The following ACVR2A variants were observed in gnomAD, a reference collection of about 807,000 sequenced individuals.
The protein encoded by ACVR2A is activin A receptor type 2A, also known as activin receptor type-2A.
Under a neutral mutation model 61.4 loss-of-function variants are expected in ACVR2A, and 7 were observed. The observed-to-expected ratio is 0.11, with a 90% confidence interval of 0.06 to 0.21. The LOEUF (loss-of-function observed/expected upper bound fraction) is 0.21, where lower values mean the gene tolerates loss of function less well. Among genes scored for constraint, ACVR2A ranks in the 10% least tolerant of loss-of-function variants. The probability of loss-of-function intolerance (pLI) is 1.00; values close to 1 mark genes in which losing one functional copy is unlikely to be tolerated. For synonymous variants in ACVR2A, 193 were observed against 208.3 expected, an observed-to-expected ratio of 0.93 and a Z score of 0.63; for missense variants, 322 against 621.7, an observed-to-expected ratio of 0.52 and a Z score of 5.13.
intron 4 of ACVR2A, among the ~76,000 whole-genome samples, chr2:147,906,466 A>G (rs1686990569): frequency 6.6e-6 from 1 of 152,138 alleles, no homozygotes; most frequent in African/African-American, 2.4e-5. Flanking sequence ...TAAAGAGTGT[A>G]AGAAGTGAGT....
At chr2:147,901,553 A>C (rs991007381) in intron 4 of ACVR2A, among the ~76,000 whole-genome samples, 13 of 152,038 alleles carry the variant, frequency 8.6e-5, no homozygotes, top group Non-Finnish European at 1.3e-4. Context: ...ATTTTCTGTG[A>C]GTATCCGTAC....
Position 147,917,185 on chromosome 2 carries a change from T to G in ACVR2A, c.673-98T>G, listed in dbSNP as rs536625751. On this transcript the variant is annotated intron_variant, in intron 5 of 10. Coordinates refer to ENST00000241416, the MANE Select transcript of ACVR2A (RefSeq NM_001616.5). ...AATTTTTTAAGACTTTTTTGTTTTG[T>G]TTTGTTTTACTTTGGAACTTATTTG... 5.4e-6 allele frequency: 7 copies of G among 1,294,158 alleles called. No homozygotes were observed. In the Admixed American group the frequency reaches 2.4e-4, roughly 45 times the overall value. 80.2% of individuals were successfully genotyped at this position (1,294,158 alleles called of 1,614,324 possible).
At chr2:147,849,196 T>A (rs1685390640) in intron 1 of ACVR2A, among the ~76,000 whole-genome samples, 1 of 152,124 alleles carries the variant, frequency 6.6e-6, no homozygotes, top group Non-Finnish European at 1.5e-5. Context: ...TAATGAATGA[T>A]TGGTTAAGGT....
chr2:147,861,032 A>G (rs1056384659), intron 1 of ACVR2A, among the ~76,000 whole-genome samples: 13 of 152,166 alleles, frequency 8.5e-5, no homozygotes, highest in Non-Finnish European at 1.8e-4. Flanking sequence ...TGGAAAATGG[A>G]GATAATAAGG....
chr2:147,917,576 T>C (rs1687277242), intron 6 of ACVR2A, 150 bp downstream of exon 6: 1 of 1,021,622 alleles, frequency 9.8e-7, no homozygotes. Context: ...AATAAAAATG[T>C]TTTAAAAGGT....
intron 4 of ACVR2A, among the ~76,000 whole-genome samples, chr2:147,903,251 GTTT>G (rs541370028): frequency 7.1e-6 from 1 of 141,194 alleles, no homozygotes. Flanking sequence ...TTTTCTGGTC[GTTT>G]TTTTTTTTTC....
intron 1 of ACVR2A, among the ~76,000 whole-genome samples, chr2:147,881,018 T>C (rs1686285800): frequency 6.6e-6 from 1 of 152,196 alleles, no homozygotes; most frequent in African/African-American, 2.4e-5. Context: ...CTTACTTATA[T>C]TGGTTAAAAT....
chr2:147,926,838 C>G (rs1687511569), intron 10 of ACVR2A, among the ~76,000 whole-genome samples: 1 of 151,408 alleles, frequency 6.6e-6, no homozygotes. Flanking sequence ...GGGTTATGAA[C>G]AAGGGATAGA....
intron 4 of ACVR2A, among the ~76,000 whole-genome samples, chr2:147,913,764 T>G (rs1487274414): frequency 1.4e-5 from 2 of 138,436 alleles, no homozygotes; most frequent in Non-Finnish European, 3.0e-5. Flanking sequence ...CCCGTCACTC[T>G]GCTAAACAGA....
At chr2:147,850,629 A>C (rs1270684981) in intron 1 of ACVR2A, among the ~76,000 whole-genome samples, 1 of 152,024 alleles carries the variant, frequency 6.6e-6, no homozygotes, top group Non-Finnish European at 1.5e-5. Flanking sequence ...TTAGATTGTA[A>C]AATAGTCATG....
At chr2:147,914,817 T>A (rs1687210743) in intron 4 of ACVR2A, among the ~76,000 whole-genome samples, 1 of 151,972 alleles carries the variant, frequency 6.6e-6, no homozygotes, top group Non-Finnish European at 1.5e-5. Context: ...CTGGCACTTT[T>A]CAAATCATCC....
At chr2:147,868,108 T>A (rs1685911726) in intron 1 of ACVR2A, among the ~76,000 whole-genome samples, 1 of 152,204 alleles carries the variant, frequency 6.6e-6, no homozygotes, top group Non-Finnish European at 1.5e-5. Flanking sequence ...CTCTGTATTC[T>A]CCGTGAGTGG....
intron 1 of ACVR2A, among the ~76,000 whole-genome samples, chr2:147,889,664 A>G (rs988609928): frequency 2.0e-5 from 3 of 151,898 alleles, no homozygotes; most frequent in Non-Finnish European, 4.4e-5. Flanking sequence ...GGAGAATGGC[A>G]TGGACCCAGG....
At chr2:147,891,917 A>G (rs569104784) in intron 1 of ACVR2A, among the ~76,000 whole-genome samples, 7 of 152,208 alleles carry the variant, frequency 4.6e-5, no homozygotes, top group African/African-American at 1.4e-4. Context: ...GAAAGTGCCT[A>G]TTGTTTGCAT....
At chr2:147,926,917 G>T (rs1378452589) in intron 10 of ACVR2A, among the ~76,000 whole-genome samples, 163 bp from the exon 11 acceptor site, 1 of 151,508 alleles carries the variant, frequency 6.6e-6, no homozygotes, top group Non-Finnish European at 1.5e-5. Context: ...AGTTCTGTTT[G>T]TGCTTTTCTT....
chr2:147,906,465 T>C (rs1686990434), intron 4 of ACVR2A, among the ~76,000 whole-genome samples: 1 of 152,056 alleles, frequency 6.6e-6, no homozygotes, highest in African/African-American at 2.4e-5. Context: ...GTAAAGAGTG[T>C]AAGAAGTGAG....
chr2:147,852,212 G>A (rs1186947092), intron 1 of ACVR2A, among the ~76,000 whole-genome samples: 3 of 152,002 alleles, frequency 2.0e-5, no homozygotes, highest in African/African-American at 7.2e-5. Flanking sequence ...ATTGCATTAT[G>A]ACTTAGTTCC....
chr2:147,917,199 G>T, intron 5 of ACVR2A, 84 bp from the exon 6 acceptor site: 3 of 1,348,712 alleles, frequency 2.2e-6, no homozygotes, highest in East Asian at 2.7e-5. Flanking sequence ...GTTTTACTTT[G>T]GAACTTATTT....
At chr2:147,844,876 T>G, upstream of ACVR2A, 1 of 360,974 alleles carries the variant, frequency 2.8e-6, no homozygotes. Context: ...GCTTTTGTTG[T>G]TGTTGGCTTT....
Sources: gnomAD v4.1 joint callset for allele counts (sites outside exome capture counted in the v4.1 genomes callset) on GRCh38, gnomAD v4.1.1 for gene constraint, MANE v1.5 for transcripts, NCBI Gene and HGNC (gene_info 2026-07-23, HGNC 2026-07-21) for gene names.